The following MSRB3 variants were observed in gnomAD, a reference collection of about 807,000 sequenced individuals.
MSRB3 encodes methionine sulfoxide reductase B3.
Under a neutral mutation model 21.0 loss-of-function variants are expected in MSRB3, and 13 were observed. The observed-to-expected ratio is 0.62, with a 90% CI of 0.40 to 0.98. MSRB3 has a LOEUF of 0.98. Ranked by LOEUF, MSRB3 falls within the 50% of genes least tolerant of loss-of-function variation. The probability of loss-of-function intolerance (pLI) is 0.00; values close to 1 mark genes in which losing one functional copy is unlikely to be tolerated. For missense variants in MSRB3, 199 were observed against 230.3 expected (o/e 0.86, Z 0.88); for synonymous variants, 87 against 88.6 (o/e 0.98, Z 0.10).
intron 6 of MSRB3, among the ~76,000 whole-genome samples, chr12:65,460,195 C>G (rs1419122308): frequency 6.6e-6 from 1 of 152,192 alleles, no homozygotes; most frequent in East Asian, 1.9e-4. Context: ...TACTGAGAAA[C>G]CCCAACACAT....
chr12:65,341,090 T>C (rs1565842498), intron 4 of MSRB3, among the ~76,000 whole-genome samples: 1 of 152,102 alleles, frequency 6.6e-6, no homozygotes, highest in East Asian at 1.9e-4. Context: ...ATCTGATTTA[T>C]GAAAATAAAA....
chr12:65,344,178 G>A (rs1216816358), intron 4 of MSRB3: 2 of 152,036 alleles, frequency 1.3e-5, no homozygotes, highest in Non-Finnish European at 2.9e-5. Context: ...CAGAACAAAG[G>A]TTCATCAGTG....
intron 5 of MSRB3, among the ~76,000 whole-genome samples, chr12:65,382,347 G>A (rs1448887364): frequency 5.5e-5 from 2 of 36,252 alleles, no homozygotes; most frequent in African/African-American, 9.7e-5. Context: ...ATAGACTTTG[G>A]AGTTTTATTC....
intron 5 of MSRB3, among the ~76,000 whole-genome samples, chr12:65,434,778 G>A (rs901988895): frequency 1.3e-5 from 2 of 151,910 alleles, no homozygotes; most frequent in African/African-American, 4.8e-5. Context: ...CCTTACATTT[G>A]TGTGGTGATT....
chr12:65,412,888 A>G (rs1246283045), intron 5 of MSRB3, among the ~76,000 whole-genome samples: 1 of 152,170 alleles, frequency 6.6e-6, no homozygotes, highest in Non-Finnish European at 1.5e-5. Context: ...GGCAGGAAGG[A>G]GAAGTGCCGA....
intron 2 of MSRB3, among the ~76,000 whole-genome samples, chr12:65,313,121 CTGTT>C (rs1202948658): frequency 1.3e-5 from 2 of 152,046 alleles, no homozygotes; most frequent in Non-Finnish European, 2.9e-5. Flanking sequence ...TGGTAGTAAA[CTGTT>C]TGAGGCGGTG....
chr12:65,278,843 G>T lies in MSRB3; in HGVS notation c.-74G>T. 1 of 1,564,152 alleles carries T rather than the reference G, an allele frequency of 6.4e-7. No homozygotes were observed. Among genetic ancestry groups the T allele is most frequent in the East Asian group, 2.4e-5 (1 of 42,162 alleles). ...TCTGCCTCTGCCTCTGCCTGGCCGC[G>T]GCTCTGGGAAGTGCGCAGTCCGGTA... On this transcript the variant is annotated 5_prime_UTR_variant, in exon 1 of 7. Transcript: ENST00000308259.
chr12:65,366,527 A>G (rs905980323), intron 4 of MSRB3, among the ~76,000 whole-genome samples: 1 of 152,100 alleles, frequency 6.6e-6, no homozygotes, highest in Non-Finnish European at 1.5e-5. Context: ...AGGGAAGGAG[A>G]ACATTGGTTA....
chr12:65,442,868 A>G (rs1882446738), intron 5 of MSRB3, among the ~76,000 whole-genome samples: 1 of 152,084 alleles, frequency 6.6e-6, no homozygotes, highest in Admixed American at 6.6e-5. Flanking sequence ...TCTGTGTAAG[A>G]TGTATTTTTA....
At chr12:65,364,098 G>A (rs527606513) in intron 4 of MSRB3, among the ~76,000 whole-genome samples, 1 of 152,170 alleles carries the variant, frequency 6.6e-6, no homozygotes, top group East Asian at 1.9e-4. Context: ...TCATGATCTA[G>A]GAATGGCTAC....
intron 5 of MSRB3, among the ~76,000 whole-genome samples, chr12:65,371,437 G>T (rs1878320097): frequency 6.6e-6 from 1 of 150,918 alleles, no homozygotes; most frequent in Admixed American, 6.6e-5. Flanking sequence ...TCTGTCTAAT[G>T]TTGTATACAG....
intron 5 of MSRB3, among the ~76,000 whole-genome samples, chr12:65,427,358 G>A (rs190612527): frequency 1.3e-5 from 2 of 152,322 alleles, no homozygotes; most frequent in Non-Finnish European, 2.9e-5. Context: ...CACAGTGGCA[G>A]TGAGGGTTTC....
At chr12:65,278,900 C>T (rs1489141082) in intron 1 of MSRB3, 35 bp downstream of exon 1, 1 of 1,547,230 alleles carries the variant, frequency 6.5e-7, no homozygotes, top group South Asian at 1.2e-5. Flanking sequence ...TCCTCCTCGC[C>T]TCACCCCTCC....
chr12:65,410,479 A>C (rs1880657473), intron 5 of MSRB3, among the ~76,000 whole-genome samples: 1 of 151,980 alleles, frequency 6.6e-6, no homozygotes, highest in Admixed American at 6.6e-5. Context: ...CTGTCTCTAC[A>C]AAAAAATACA....
intron 5 of MSRB3, among the ~76,000 whole-genome samples, chr12:65,389,600 A>T (rs1297872458): frequency 6.6e-6 from 1 of 152,100 alleles, no homozygotes; most frequent in African/African-American, 2.4e-5. Flanking sequence ...TCAACAACTG[A>T]GTGTCTTCAA....
intron 1 of MSRB3, among the ~76,000 whole-genome samples, chr12:65,289,553 T>C (rs572857092): frequency 6.6e-6 from 1 of 152,350 alleles, no homozygotes; most frequent in African/African-American, 2.4e-5. Flanking sequence ...CTGCATTTTT[T>C]ATCTTTTTAA....
intron 5 of MSRB3, among the ~76,000 whole-genome samples, chr12:65,442,843 G>A (rs1184966393): frequency 6.6e-6 from 1 of 151,964 alleles, no homozygotes; most frequent in Non-Finnish European, 1.5e-5. Flanking sequence ...TGATGCTAAA[G>A]GTCTACAACT....
intron 1 of MSRB3, among the ~76,000 whole-genome samples, chr12:65,299,346 T>C (rs1873172686): frequency 6.6e-6 from 1 of 152,202 alleles, no homozygotes; most frequent in Non-Finnish European, 1.5e-5. Context: ...CCCTTTCATA[T>C]ACTAGTCCAA....
At chr12:65,404,526 A>C (rs751836422) in intron 5 of MSRB3, among the ~76,000 whole-genome samples, 1 of 152,190 alleles carries the variant, frequency 6.6e-6, no homozygotes. Flanking sequence ...ACCTACATTT[A>C]TTCCTCCTAA....
Sources: gnomAD v4.1 joint callset for allele counts (sites outside exome capture counted in the v4.1 genomes callset) on GRCh38, gnomAD v4.1.1 for gene constraint, MANE v1.5 for transcripts, NCBI Gene and HGNC (gene_info 2026-07-23, HGNC 2026-07-21) for gene names.